The following AGBL1 variants were observed in gnomAD, a reference collection of about 807,000 sequenced individuals.
The protein encoded by AGBL1 is AGBL carboxypeptidase 1.
A neutral mutation model predicts 118.9 loss-of-function variants in AGBL1; 130 were observed. That is an observed-to-expected ratio of 1.09 (90% confidence interval 0.95 to 1.26). AGBL1 has a LOEUF of 1.26. AGBL1 is among the 50% of genes most tolerant of loss of function. The pLI is 0.00. For synonymous variants in AGBL1, 555 were observed against 478.9 expected (o/e 1.16, Z -2.08); for missense variants, 1,584 against 1,298.1 (o/e 1.22, Z -3.38).
At chr15:86,362,816 G>A (rs2080826086) in intron 17 of AGBL1, among the ~76,000 whole-genome samples, 1 of 152,226 alleles carries the variant, frequency 6.6e-6, no homozygotes, top group Admixed American at 6.5e-5. Flanking sequence ...GCTACCAAGA[G>A]TTGAGGTGGA....
At chr15:86,526,228 G>C (rs916703345) in intron 19 of AGBL1, among the ~76,000 whole-genome samples, 5 of 152,004 alleles carry the variant, frequency 3.3e-5, no homozygotes, top group Non-Finnish European at 5.9e-5. Flanking sequence ...TGTAGGCATG[G>C]ATGCAGTCAA....
intron 11 of AGBL1, among the ~76,000 whole-genome samples, chr15:86,265,495 G>GA (rs1469103653): frequency 3.9e-5 from 6 of 151,950 alleles, no homozygotes; most frequent in Non-Finnish European, 8.8e-5. Flanking sequence ...TATTCTCCTT[G>GA]AAAAAAAACT....
chr15:86,094,659 G>T (rs1865027610), intron 1 of AGBL1, among the ~76,000 whole-genome samples: 1 of 152,132 alleles, frequency 6.6e-6, no homozygotes, highest in Admixed American at 6.5e-5. Context: ...CAGCAAAGGG[G>T]TTGAGGCTGT....
At chr15:86,966,841 A>C (rs1348033426) in intron 23 of AGBL1, among the ~76,000 whole-genome samples, 1 of 152,166 alleles carries the variant, frequency 6.6e-6, no homozygotes, top group African/African-American at 2.4e-5. Context: ...GTATATACCC[A>C]GTAATGGGAT....
chr15:86,584,153 T>A (rs370534792), intron 21 of AGBL1, among the ~76,000 whole-genome samples: 25 of 152,298 alleles, frequency 1.6e-4, no homozygotes, highest in African/African-American at 4.8e-4. Context: ...ACTCTTTTGA[T>A]AGTTTCTTTT....
chr15:86,588,960 C>T (rs544896013), intron 21 of AGBL1, among the ~76,000 whole-genome samples: 9 of 151,964 alleles, frequency 5.9e-5, no homozygotes, highest in African/African-American at 1.5e-4. Context: ...AAACATTTCC[C>T]GTTCATGTAT....
chr15:86,746,281 CA>C (rs2141245086), intron 22 of AGBL1, among the ~76,000 whole-genome samples: 1 of 152,202 alleles, frequency 6.6e-6, no homozygotes, highest in Admixed American at 6.6e-5. Flanking sequence ...TAAACCCATC[CA>C]TATTGAAAAG....
chr15:86,853,205 T>G (rs1441557597), intron 22 of AGBL1, among the ~76,000 whole-genome samples: 4 of 152,228 alleles, frequency 2.6e-5, no homozygotes, highest in Non-Finnish European at 5.9e-5. Flanking sequence ...CTCCTTGGTA[T>G]GCCAAATCAC....
rs537792061 is a variant in AGBL1, at chr15:86,899,040, A to T, written c.3159-8047A>T. ...CAACCCAGCAATTCCATTCCTGGGTATATACCCAGAGGAATACAAATCATT... is the reference window on the plus strand; with the variant it reads ...CAACCCAGCAATTCCATTCCTGGGTTTATACCCAGAGGAATACAAATCATT... On this transcript the variant is annotated intron_variant, in intron 22 of 22. Coordinates refer to ENST00000614907, the MANE Select transcript of AGBL1 (RefSeq NM_001386094.1). 2.6e-5 allele frequency among the ~76,000 whole-genome samples: 4 copies of T among 152,316 alleles called. No individual in the cohort carries two copies. In the South Asian group the frequency reaches 6.2e-4, roughly 24 times the overall value.
At chr15:86,280,568 A>G (rs2079335755) in intron 16 of AGBL1, among the ~76,000 whole-genome samples, 3 of 152,226 alleles carry the variant, frequency 2.0e-5, no homozygotes, top group Admixed American at 1.3e-4. Flanking sequence ...AGTATCTTCT[A>G]TAAAGCACTT....
At chr15:86,725,743 C>T (rs2086808884) in intron 22 of AGBL1, among the ~76,000 whole-genome samples, 2 of 152,152 alleles carry the variant, frequency 1.3e-5, no homozygotes, top group Non-Finnish European at 2.9e-5. Flanking sequence ...GAGTTGTGTT[C>T]TGATGCCACT....
Position 86,253,982 on chromosome 15 carries a change from G to A in AGBL1, c.736-2871G>A, listed in dbSNP as rs1048357026. The stretch of plus-strand genomic sequence containing the variant: ...ACAAGGGGAAGGAAGGAGAGTAAGG[G>A]GAGGAATTAGAGTGTTGATAGGAGT... On this transcript the variant is annotated intron_variant, in intron 7 of 22. Transcript: ENST00000614907. Among the ~76,000 whole-genome samples the A allele has an allele frequency of 1.2e-4, 18 of 152,200 alleles. 1 individual carries two copies. Among genetic ancestry groups the A allele is most frequent in the Admixed American group, 3.3e-4 (5 of 15,282 alleles).
intron 6 of AGBL1, among the ~76,000 whole-genome samples, chr15:86,247,466 C>T (rs1056002478): frequency 3.3e-5 from 5 of 152,182 alleles, no homozygotes; most frequent in Non-Finnish European, 5.9e-5. Context: ...TGTATCATAT[C>T]GGGTGGCACG....
At position 86,457,278 on chromosome 15, in the gene AGBL1, A is replaced by AT. The variant is rs1358023549; in HGVS notation, c.2555+59740dup. 4.6e-5 allele frequency among the ~76,000 whole-genome samples: 7 copies of AT among 152,138 alleles called. No individual in the cohort carries two copies. In the South Asian group the frequency reaches 8.3e-4, roughly 18 times the overall value. On this transcript the variant is annotated intron_variant, in intron 18 of 22. Coordinates refer to ENST00000614907, the MANE Select transcript of AGBL1 (RefSeq NM_001386094.1). The stretch of plus-strand genomic sequence containing the variant: ...GCCTGTTAGATGTGCAACAAACTCC[A>AT]TTTTTTTTGTGGCATGAACAAAAGG...
intron 22 of AGBL1, among the ~76,000 whole-genome samples, chr15:86,903,658 A>C (rs1431247313): frequency 1.3e-5 from 2 of 152,170 alleles, no homozygotes; most frequent in East Asian, 3.9e-4. Flanking sequence ...TTCACACAAC[A>C]GAAAAAGGGA....
At chr15:86,858,041 C>G (rs2079507620) in intron 22 of AGBL1, among the ~76,000 whole-genome samples, 1 of 152,096 alleles carries the variant, frequency 6.6e-6, no homozygotes, top group Non-Finnish European at 1.5e-5. Flanking sequence ...TCACTCTGCC[C>G]ACGTAACACC....
intron 23 of AGBL1, among the ~76,000 whole-genome samples, chr15:86,975,473 G>A (rs1293450964): frequency 6.6e-6 from 1 of 152,042 alleles, no homozygotes; most frequent in Admixed American, 6.6e-5. Flanking sequence ...GGGAATTATG[G>A]GAGCTGCAAT....
intron 6 of AGBL1, among the ~76,000 whole-genome samples, chr15:86,244,088 T>TAAAA (rs1278683060): frequency 6.8e-6 from 1 of 146,816 alleles, no homozygotes; most frequent in Admixed American, 6.8e-5. Context: ...AATAAATAAA[T>TAAAA]ATATATATAA....
chr15:86,762,780 C>T (rs1203832117), intron 22 of AGBL1, among the ~76,000 whole-genome samples: 5 of 151,874 alleles, frequency 3.3e-5, no homozygotes, highest in African/African-American at 1.2e-4. Flanking sequence ...TCTTTGATTC[C>T]AACTCAAAGA....
Sources: allele counts gnomAD v4.1 joint callset (sites outside exome capture counted in the v4.1 genomes callset), GRCh38; gene constraint gnomAD v4.1.1; transcripts MANE v1.5; gene names NCBI Gene and HGNC (gene_info 2026-07-23, HGNC 2026-07-21).